Variants in LRP1B observed in about 807,000 individuals in gnomAD.
The protein encoded by LRP1B is LDL receptor related protein 1B, also known as low-density lipoprotein receptor-related protein 1B.
LRP1B carries 217 observed loss-of-function variants against 556.6 expected under a neutral mutation model. The observed-to-expected ratio is 0.39, with a 90% CI of 0.35 to 0.44. The LOEUF (loss-of-function observed/expected upper bound fraction) is 0.44. LRP1B is among the 20% of genes least tolerant of loss of function. The pLI, the probability that LRP1B is intolerant of heterozygous loss-of-function variation, is 1.00. For missense variants in LRP1B, 5,053 were observed against 5,620.8 expected (o/e 0.90, Z 3.23); for synonymous variants, 2,047 against 1,865.8 (o/e 1.10, Z -2.50).
chr2:141,572,711 G>A (rs969279752), intron 2 of LRP1B, among the ~76,000 whole-genome samples: 1 of 152,048 alleles, frequency 6.6e-6, no homozygotes, highest in Non-Finnish European at 1.5e-5. Context: ...ACATACATAG[G>A]CTCAAAATAA....
At chr2:141,913,369 A>C (rs1013943017) in intron 1 of LRP1B, among the ~76,000 whole-genome samples, 1 of 152,154 alleles carries the variant, frequency 6.6e-6, no homozygotes, top group Non-Finnish European at 1.5e-5. Flanking sequence ...AATAACATAA[A>C]TGAATGTATG....
intron 2 of LRP1B, among the ~76,000 whole-genome samples, chr2:141,497,044 T>G (rs1031974268): frequency 6.6e-5 from 10 of 151,966 alleles, no homozygotes; most frequent in African/African-American, 2.4e-4. Context: ...TCAGTAGCTA[T>G]GAGTCAGAAC....
chr2:141,124,136 T>C (rs183917792), intron 7 of LRP1B, among the ~76,000 whole-genome samples: 4 of 152,156 alleles, frequency 2.6e-5, no homozygotes, highest in Admixed American at 2.6e-4. Context: ...AAAACTTTCA[T>C]AAAATATGAA....
At chr2:140,397,743 G>C (rs1046042314) in intron 66 of LRP1B, among the ~76,000 whole-genome samples, 1 of 151,764 alleles carries the variant, frequency 6.6e-6, no homozygotes, top group South Asian at 2.1e-4. Flanking sequence ...CTTGTGTTTT[G>C]TTTTTTCCAA....
rs942460886 is a variant in LRP1B at position 140,289,725 on chromosome 2, T to C, written c.12967+8083A>G. On this transcript the variant is annotated intron_variant, in intron 84 of 90. Coordinates refer to ENST00000389484, the MANE Select transcript of LRP1B (RefSeq NM_018557.3). The stretch of plus-strand genomic sequence containing the variant: ...AACCCTGACAATTTTTTTGAAATAA[T>C]CTACGGTAAAAGAATAACTAAAATA... Among the ~76,000 whole-genome samples, 5 of 151,956 alleles carry C rather than the reference T, an allele frequency of 3.3e-5. 1 individual carries two copies. Among genetic ancestry groups the C allele is most frequent in the Non-Finnish European group, 7.4e-5 (5 of 67,956 alleles).
chr2:140,733,710 A>G (rs1023746266), intron 35 of LRP1B, among the ~76,000 whole-genome samples: 2 of 152,198 alleles, frequency 1.3e-5, no homozygotes, highest in Non-Finnish European at 2.9e-5. Context: ...TTCTGAGGAT[A>G]GGCGGGCAGG....
At chr2:142,025,494 C>A (rs1439597598) in intron 1 of LRP1B, among the ~76,000 whole-genome samples, 1 of 152,098 alleles carries the variant, frequency 6.6e-6, no homozygotes, top group African/African-American at 2.4e-5. Flanking sequence ...GAGTCCAGAA[C>A]CTGAGCTTTT....
chr2:140,297,781 T>C, intron 84 of LRP1B, 27 bp downstream of exon 84: 1 of 1,587,104 alleles, frequency 6.3e-7, no homozygotes, highest in Non-Finnish European at 8.6e-7. Context: ...ACATCAAAGC[T>C]GGCTTCTGGG....
At chr2:140,974,966 C>G (rs988496955) in intron 18 of LRP1B, among the ~76,000 whole-genome samples, 4 of 152,136 alleles carry the variant, frequency 2.6e-5, no homozygotes, top group African/African-American at 9.7e-5. Flanking sequence ...GCCCTTTTAC[C>G]TGTATCTAGA....
rs573924525 is a variant in LRP1B at position 140,826,476 on chromosome 2, C to G, written c.5210-12670G>C. Among the ~76,000 whole-genome samples the G allele has an allele frequency of 3.9e-5, 6 of 152,104 alleles. No individual in the cohort carries two copies. The South Asian group carries it at 6.2e-4, about 16-fold the overall frequency. On this transcript the variant is annotated intron_variant, in intron 31 of 90. Transcript: ENST00000389484. ...GGCTTCACTCTCCCCAAGAGAAAAC[C>G]AAAAATAATTATCCAGTGCCAAGAT...
At chr2:140,287,132 A>G (rs1379130300) in intron 84 of LRP1B, among the ~76,000 whole-genome samples, 1 of 151,880 alleles carries the variant, frequency 6.6e-6, no homozygotes, top group African/African-American at 2.4e-5. Context: ...CTCATTTGAC[A>G]TATTCTAGGA....
At chr2:141,362,659 A>T (rs1688870792) in intron 3 of LRP1B, among the ~76,000 whole-genome samples, 1 of 152,224 alleles carries the variant, frequency 6.6e-6, no homozygotes, top group African/African-American at 2.4e-5. Flanking sequence ...ACAAAATTGC[A>T]AATTCTTCCT....
At chr2:140,654,806 G>C (rs1684818320) in intron 41 of LRP1B, among the ~76,000 whole-genome samples, 1 of 151,972 alleles carries the variant, frequency 6.6e-6, no homozygotes, top group South Asian at 2.1e-4. Context: ...TATCACAAAG[G>C]GTCTCTTACT....
intron 2 of LRP1B, among the ~76,000 whole-genome samples, chr2:141,667,195 A>T (rs1690476256): frequency 1.3e-5 from 2 of 152,160 alleles, no homozygotes; most frequent in African/African-American, 4.8e-5. Flanking sequence ...TCAATACTAG[A>T]GGTTCCATTT....
chr2:141,232,805 G>C (rs1325163014), intron 5 of LRP1B, among the ~76,000 whole-genome samples: 1 of 152,088 alleles, frequency 6.6e-6, no homozygotes, highest in Non-Finnish European at 1.5e-5. Context: ...ATCTTCATGG[G>C]TCTCTGCTAA....
chr2:141,548,767 G>T (rs2105225893), intron 2 of LRP1B, among the ~76,000 whole-genome samples: 1 of 152,224 alleles, frequency 6.6e-6, no homozygotes, highest in South Asian at 2.1e-4. Context: ...TAATGACAGT[G>T]CATATGGTAT....
intron 1 of LRP1B, among the ~76,000 whole-genome samples, chr2:142,048,031 CA>C (rs1309758825): frequency 4.6e-5 from 7 of 150,980 alleles, no homozygotes; most frequent in African/African-American, 1.7e-4. Context: ...ACATAGTGGT[CA>C]AAATCCAGAC....
chr2:141,125,167 CT>C (rs1558877609), intron 7 of LRP1B, among the ~76,000 whole-genome samples: 1 of 152,154 alleles, frequency 6.6e-6, no homozygotes, highest in Non-Finnish European at 1.5e-5. Context: ...CAAGTATCTT[CT>C]TTGGAAAAAA....
At chr2:141,648,825 T>A (rs539947667) in intron 2 of LRP1B, among the ~76,000 whole-genome samples, 14 of 152,348 alleles carry the variant, frequency 9.2e-5, no homozygotes, top group African/African-American at 3.4e-4. Flanking sequence ...GACACCCTTC[T>A]CGGATGTGTT....
Sources: allele counts gnomAD v4.1 joint callset (sites outside exome capture counted in the v4.1 genomes callset), GRCh38; gene constraint gnomAD v4.1.1; transcripts MANE v1.5; gene names NCBI Gene and HGNC (gene_info 2026-07-23, HGNC 2026-07-21).